Variants in CDH13 observed in about 807,000 individuals in gnomAD.
CDH13 encodes the protein cadherin 13, also known as cadherin-13.
A neutral mutation model predicts 63.8 loss-of-function variants in CDH13; 24 were observed. That is an observed-to-expected ratio of 0.38 (90% CI 0.27 to 0.53). CDH13 has a LOEUF of 0.53. CDH13 is among the 20% of genes least tolerant of loss of function. The probability of loss-of-function intolerance (pLI) is 0.85; values close to 1 mark genes in which losing one functional copy is unlikely to be tolerated. For synonymous variants in CDH13, 503 were observed against 355.3 expected (o/e 1.42, Z -4.67); for missense variants, 1,049 against 903.1 (o/e 1.16, Z -2.07).
At chr16:82,882,284 A>G (rs2040731494) in intron 2 of CDH13, among the ~76,000 whole-genome samples, 2 of 152,294 alleles carry the variant, frequency 1.3e-5, no homozygotes, top group African/African-American at 2.4e-5. Context: ...TCCAGCTGCC[A>G]TATCAGGAAT....
intron 8 of CDH13, among the ~76,000 whole-genome samples, chr16:83,653,825 C>G (rs949603681): frequency 6.6e-6 from 1 of 152,166 alleles, no homozygotes; most frequent in African/African-American, 2.4e-5. Flanking sequence ...CAGAAGGGGC[C>G]TCCTATGGTT....
chr16:82,669,307 C>T (rs1474285868), intron 1 of CDH13, among the ~76,000 whole-genome samples: 1 of 152,156 alleles, frequency 6.6e-6, no homozygotes, highest in Non-Finnish European at 1.5e-5. Context: ...ATGGCTCTGC[C>T]CTGGCATTTA....
intron 3 of CDH13, among the ~76,000 whole-genome samples, chr16:83,120,326 G>C (rs1026633944): frequency 1.3e-5 from 2 of 152,200 alleles, no homozygotes; most frequent in African/African-American, 4.8e-5. Flanking sequence ...AGGTAGGATG[G>C]GGATGGGATT....
intron 4 of CDH13, among the ~76,000 whole-genome samples, chr16:83,184,295 C>G (rs1389876821): frequency 6.6e-6 from 1 of 152,052 alleles, no homozygotes; most frequent in Non-Finnish European, 1.5e-5. Flanking sequence ...AATAATCAGC[C>G]TCTTACATTA....
chr16:83,223,303 T>C (rs754668338), intron 5 of CDH13, among the ~76,000 whole-genome samples: 4 of 152,202 alleles, frequency 2.6e-5, no homozygotes, highest in Non-Finnish European at 4.4e-5. Flanking sequence ...TGAATTCTCA[T>C]ATGGCAGAAA....
At chr16:83,119,037 G>T (rs542677246) in intron 3 of CDH13, among the ~76,000 whole-genome samples, 7 of 151,956 alleles carry the variant, frequency 4.6e-5, no homozygotes, top group Non-Finnish European at 1.0e-4. Context: ...CCATGTAATC[G>T]CCTAGCACAC....
At chr16:82,719,822 G>C (rs529881163) in intron 1 of CDH13, among the ~76,000 whole-genome samples, 1 of 143,906 alleles carries the variant, frequency 6.9e-6, no homozygotes, top group African/African-American at 2.6e-5. Flanking sequence ...CTCCAGCCTG[G>C]GCAACAGAGA....
chr16:83,302,321 A>G (rs2089768710), intron 5 of CDH13, among the ~76,000 whole-genome samples: 1 of 152,238 alleles, frequency 6.6e-6, no homozygotes, highest in South Asian at 2.1e-4. Context: ...AGGGAATGTA[A>G]TACTGACATT....
Position 83,351,322 on chromosome 16 carries a change from A to T in CDH13, c.781+6316A>T, listed in dbSNP as rs563967430. On this transcript the variant is annotated intron_variant, in intron 6 of 13. Coordinates refer to ENST00000567109, the MANE Select transcript of CDH13 (RefSeq NM_001257.5). Reference sequence around the variant, plus strand: ...CCTTAGGTAGATATATTTTTTAAAAAATAAATAAAGCAATTCTGTTCTTTT... The same window carrying T: ...CCTTAGGTAGATATATTTTTTAAAATATAAATAAAGCAATTCTGTTCTTTT... 8.4e-4 allele frequency among the ~76,000 whole-genome samples: 128 copies of T among 151,904 alleles called. 1 individual carries two copies. The highest frequency in any genetic ancestry group is 3.0e-3 in the African/African-American group (123 of 41,416).
intron 6 of CDH13, among the ~76,000 whole-genome samples, chr16:83,438,260 C>T (rs989312356): frequency 6.6e-6 from 1 of 152,222 alleles, no homozygotes; most frequent in Middle Eastern, 3.2e-3. Context: ...CATGCTCCAT[C>T]ACCCCAACTG....
At chr16:83,657,144 T>C (rs1912942623) in intron 8 of CDH13, among the ~76,000 whole-genome samples, 1 of 152,220 alleles carries the variant, frequency 6.6e-6, no homozygotes, top group African/African-American at 2.4e-5. Flanking sequence ...GGCTCTTCCT[T>C]TGAGAAACTA....
intron 3 of CDH13, among the ~76,000 whole-genome samples, chr16:83,071,799 C>T (rs1332763261): frequency 1.3e-5 from 2 of 152,050 alleles, no homozygotes; most frequent in African/African-American, 2.4e-5. Context: ...AAATTTGAGA[C>T]AGTAGGCATG....
chr16:83,384,437 A>G (rs1483844085), intron 6 of CDH13, among the ~76,000 whole-genome samples: 4 of 152,220 alleles, frequency 2.6e-5, no homozygotes, highest in Admixed American at 6.5e-5. Flanking sequence ...GGACAGAACA[A>G]TAGGGTCAAG....
At chr16:83,532,760 G>A (rs1050711448) in intron 7 of CDH13, among the ~76,000 whole-genome samples, 4 of 152,146 alleles carry the variant, frequency 2.6e-5, no homozygotes, top group Non-Finnish European at 4.4e-5. Context: ...GGACTTGAGC[G>A]ATCCTCTCCC....
intron 5 of CDH13, among the ~76,000 whole-genome samples, chr16:83,294,654 T>C (rs968810030): frequency 6.6e-6 from 1 of 151,842 alleles, no homozygotes; most frequent in Non-Finnish European, 1.5e-5. Context: ...TTGATGGACA[T>C]TTAGGAACAA....
intron 2 of CDH13, among the ~76,000 whole-genome samples, chr16:82,902,792 C>A (rs1259416410): frequency 6.6e-6 from 1 of 152,054 alleles, no homozygotes; most frequent in African/African-American, 2.4e-5. Context: ...ACCAGATGTT[C>A]TTTTAAAAGC....
intron 2 of CDH13, among the ~76,000 whole-genome samples, chr16:82,994,731 CCAAA>C (rs1228261379): frequency 6.6e-6 from 1 of 152,158 alleles, no homozygotes; most frequent in Non-Finnish European, 1.5e-5. Context: ...TATTCAAGCC[CCAAA>C]CAAACACTTC....
chr16:83,756,631 A>G (rs112590349), intron 11 of CDH13, among the ~76,000 whole-genome samples: 6,603 of 152,260 alleles, frequency 0.043, 192 homozygotes, highest in East Asian at 0.14. Flanking sequence ...TCTTCTTCCA[A>G]TGTGGCCCAG....
chr16:83,194,269 G>C (rs1478024120), intron 4 of CDH13, among the ~76,000 whole-genome samples: 1 of 152,204 alleles, frequency 6.6e-6, no homozygotes, highest in Non-Finnish European at 1.5e-5. Context: ...TGGGTCCTCA[G>C]AATGAGAACC....
Sources: allele counts gnomAD v4.1 joint callset (sites outside exome capture counted in the v4.1 genomes callset), GRCh38; gene constraint gnomAD v4.1.1; transcripts MANE v1.5; gene names NCBI Gene and HGNC (gene_info 2026-07-23, HGNC 2026-07-21).